Variants in CDH4 observed in about 807,000 individuals in gnomAD.
CDH4 encodes the protein cadherin-4.
In CDH4, 33 loss-of-function variants were observed where a neutral mutation model predicts 86.0. The ratio of observed to expected loss-of-function variants is 0.38; its 90% CI spans 0.29 to 0.51. The LOEUF is 0.51. Ranked by LOEUF, CDH4 falls within the 20% of genes least tolerant of loss-of-function variation. The pLI is 0.86. For synonymous variants in CDH4, 555 were observed against 549.4 expected (o/e 1.01, Z -0.14); for missense variants, 1,114 against 1,307.4 (o/e 0.85, Z 2.28).
At chr20:61,857,769 C>G (rs1435295127) in intron 6 of CDH4, among the ~76,000 whole-genome samples, 1 of 152,282 alleles carries the variant, frequency 6.6e-6, no homozygotes, top group Non-Finnish European at 1.5e-5. Flanking sequence ...CAGCCTCCCC[C>G]AAGGGTGATA....
At chr20:61,844,642 C>A in intron 4 of CDH4, 26 bp from the exon 5 acceptor site, 1 of 1,597,686 alleles carries the variant, frequency 6.3e-7, no homozygotes, top group Non-Finnish European at 8.6e-7. Flanking sequence ...AGGATAACCT[C>A]TTCTCGCTTT....
intron 8 of CDH4, among the ~76,000 whole-genome samples, chr20:61,900,804 G>A (rs1297774199): frequency 1.3e-5 from 2 of 152,226 alleles, no homozygotes; most frequent in African/African-American, 4.8e-5. Flanking sequence ...CTGACCAGCT[G>A]CTGACCTTGG....
intron 2 of CDH4, among the ~76,000 whole-genome samples, chr20:61,542,910 A>G (rs1176402612): frequency 6.6e-6 from 1 of 152,242 alleles, no homozygotes; most frequent in Non-Finnish European, 1.5e-5. Flanking sequence ...TCTCAAAAGT[A>G]GGGAAGCCGA....
At chr20:61,849,212 G>T (rs1982599967) in intron 5 of CDH4, among the ~76,000 whole-genome samples, 1 of 151,192 alleles carries the variant, frequency 6.6e-6, no homozygotes, top group South Asian at 2.1e-4. Flanking sequence ...TGGCTTTCCT[G>T]CCCTTCCCTG....
At chr20:61,725,791 G>T (rs1186938590) in intron 2 of CDH4, among the ~76,000 whole-genome samples, 4 of 152,068 alleles carry the variant, frequency 2.6e-5, no homozygotes, top group Non-Finnish European at 4.4e-5. Context: ...AGGGCTGGGA[G>T]GGGAGGTGGC....
At chr20:61,929,172 A>ATTT (rs2055078303) in intron 12 of CDH4, among the ~76,000 whole-genome samples, 1 of 106,814 alleles carries the variant, frequency 9.4e-6, no homozygotes. Context: ...TTTTTTTTTG[A>ATTT]GACTGTTGCC....
chr20:61,324,023 C>G (rs1412790485), intron 2 of CDH4, among the ~76,000 whole-genome samples: 2 of 152,212 alleles, frequency 1.3e-5, no homozygotes, highest in Admixed American at 6.5e-5. Context: ...CAAGATAGAA[C>G]TTGACACAGC....
chr20:61,489,962 T>C (rs1454842681), intron 2 of CDH4, among the ~76,000 whole-genome samples: 1 of 152,154 alleles, frequency 6.6e-6, no homozygotes, highest in African/African-American at 2.4e-5. Flanking sequence ...CAAGGAGTTG[T>C]ATTTTTTTTT....
chr20:61,758,820 C>T (rs1253823355), intron 3 of CDH4, among the ~76,000 whole-genome samples: 6 of 152,168 alleles, frequency 3.9e-5, no homozygotes, highest in East Asian at 3.9e-4. Flanking sequence ...GGCGCACAGG[C>T]GTGGTGCGGG....
At chr20:61,429,935 C>T (rs770324189) in intron 2 of CDH4, among the ~76,000 whole-genome samples, 8 of 152,194 alleles carry the variant, frequency 5.3e-5, no homozygotes, top group Non-Finnish European at 1.2e-4. Flanking sequence ...CTGAGAAAGG[C>T]GTCAAAATTT....
chr20:61,881,555 C>T (rs1050430139), intron 7 of CDH4, among the ~76,000 whole-genome samples: 9 of 152,206 alleles, frequency 5.9e-5, no homozygotes, highest in Admixed American at 3.3e-4. Flanking sequence ...ATTAGTCGAC[C>T]GCTGTTCATC....
intron 2 of CDH4, among the ~76,000 whole-genome samples, chr20:61,282,516 C>A (rs2084264232): frequency 6.6e-6 from 1 of 150,916 alleles, no homozygotes; most frequent in Admixed American, 6.6e-5. Context: ...TCTGAACAAA[C>A]CACTTTTAAT....
At chr20:61,617,105 C>A (rs4925260) in intron 2 of CDH4, among the ~76,000 whole-genome samples, 1 of 152,098 alleles carries the variant, frequency 6.6e-6, no homozygotes, top group Non-Finnish European at 1.5e-5. Context: ...CAAGAGTCAT[C>A]CTGCAGAGGC....
At chr20:61,355,870 T>G (rs1178972302) in intron 2 of CDH4, among the ~76,000 whole-genome samples, 2 of 152,142 alleles carry the variant, frequency 1.3e-5, no homozygotes, top group Non-Finnish European at 2.9e-5. Flanking sequence ...GCTTGAAAAA[T>G]TTCCTGCCTT....
intron 2 of CDH4, among the ~76,000 whole-genome samples, chr20:61,666,147 C>T (rs566486629): frequency 6.6e-6 from 1 of 152,204 alleles, no homozygotes; most frequent in Non-Finnish European, 1.5e-5. Context: ...CAAGTAAGGC[C>T]ATGGCCTCCT....
intron 5 of CDH4, among the ~76,000 whole-genome samples, chr20:61,852,110 C>G (rs909320868): frequency 6.6e-6 from 1 of 152,202 alleles, no homozygotes; most frequent in Non-Finnish European, 1.5e-5. Context: ...ACAGGCCTCC[C>G]GGCCCTGCCT....
chr20:61,273,930 A>G (rs1432099324), intron 2 of CDH4, among the ~76,000 whole-genome samples: 83 of 87,138 alleles, frequency 9.5e-4, no homozygotes, highest in East Asian at 2.6e-3. Flanking sequence ...TACAGTTTGG[A>G]GGAGTATTGT....
At chr20:61,260,990 C>T (rs1037268021) in intron 2 of CDH4, among the ~76,000 whole-genome samples, 2 of 152,168 alleles carry the variant, frequency 1.3e-5, no homozygotes, top group Non-Finnish European at 2.9e-5. Context: ...TCCTGGTAGC[C>T]CTGGTTAGAA....
chr20:61,424,167 T>C, intron 2 of CDH4, among the ~76,000 whole-genome samples: 1 of 145,398 alleles, frequency 6.9e-6, no homozygotes, highest in Admixed American at 6.8e-5. Flanking sequence ...TATCCACACA[T>C]ATGTATCCAC....
Sources: allele counts gnomAD v4.1 joint callset (sites outside exome capture counted in the v4.1 genomes callset), GRCh38; gene constraint gnomAD v4.1.1; transcripts MANE v1.5; gene names NCBI Gene and HGNC (gene_info 2026-07-23, HGNC 2026-07-21).